The following NUDC variants were observed in gnomAD, a reference collection of about 807,000 sequenced individuals.
NUDC encodes the protein nuclear migration protein nudC.
Under a neutral mutation model 45.0 loss-of-function variants are expected in NUDC, and 14 were observed. The ratio of observed to expected loss-of-function variants is 0.31; its 90% CI spans 0.21 to 0.49. The LOEUF (loss-of-function observed/expected upper bound fraction) is 0.49. Among genes scored for constraint, NUDC ranks in the 20% least tolerant of loss-of-function variants. NUDC has a pLI of 0.99. For synonymous variants in NUDC, 153 were observed against 156.7 expected (o/e 0.98, Z 0.17); for missense variants, 323 against 426.2 (o/e 0.76, Z 2.13).
chr1:26,934,021 C>T (rs879333906), intron 2 of NUDC, among the ~76,000 whole-genome samples: 22 of 152,054 alleles, frequency 1.4e-4, no homozygotes, highest in African/African-American at 4.6e-4. Context: ...GGTGTGGTGG[C>T]GTGTGCCTGT....
chr1:26,929,307 G>A (rs890158791), intron 2 of NUDC, among the ~76,000 whole-genome samples: 2 of 151,818 alleles, frequency 1.3e-5, no homozygotes, highest in Non-Finnish European at 1.5e-5. Context: ...ACGTGGTGAC[G>A]CACACCTGTA....
At chr1:26,934,440 CAG>C (rs1418328572) in intron 2 of NUDC, among the ~76,000 whole-genome samples, 3 of 152,158 alleles carry the variant, frequency 2.0e-5, no homozygotes, top group Non-Finnish European at 2.9e-5. Context: ...GGTGGGGAAA[CAG>C]AGCCAAACGG....
chr1:26,920,798 C>T (rs1249670286), upstream of NUDC, among the ~76,000 whole-genome samples: 3 of 150,510 alleles, frequency 2.0e-5, no homozygotes, highest in East Asian at 3.9e-4. Flanking sequence ...AACAGCAGGG[C>T]GTGGTGATGT....
intron 1 of NUDC, among the ~76,000 whole-genome samples, chr1:26,900,691 T>G (rs751153265): frequency 6.6e-6 from 1 of 152,044 alleles, no homozygotes; most frequent in Non-Finnish European, 1.5e-5. Context: ...GAGGACCAAA[T>G]AAGAAGCCTG....
intron 3 of NUDC, chr1:26,912,043 C>T (rs1237360231): frequency 1.2e-6 from 2 of 1,614,030 alleles, no homozygotes; most frequent in Non-Finnish European, 1.7e-6. Flanking sequence ...GAGCCTCCTG[C>T]TGCAGGTGCC....
intron 3 of NUDC, chr1:26,913,963 C>T (rs751247100): frequency 1.0e-5 from 15 of 1,442,742 alleles, no homozygotes; most frequent in African/African-American, 2.8e-5. Flanking sequence ...GCTCTCACTT[C>T]CAGCTCTCTG....
chr1:26,933,093 G>T (rs993801818), intron 2 of NUDC, among the ~76,000 whole-genome samples: 1 of 151,822 alleles, frequency 6.6e-6, no homozygotes, highest in African/African-American at 2.4e-5. Context: ...ACGCCACCAC[G>T]CCCGGCTAAT....
At chr1:26,923,894 C>G (rs537635922) in intron 1 of NUDC, among the ~76,000 whole-genome samples, 195 bp from the exon 2 acceptor site, 2 of 152,264 alleles carry the variant, frequency 1.3e-5, no homozygotes, top group East Asian at 1.9e-4. Flanking sequence ...CACACACACA[C>G]AGGATATGAG....
At chr1:26,939,330 A>G (rs1472183859) in intron 2 of NUDC, among the ~76,000 whole-genome samples, 1 of 151,600 alleles carries the variant, frequency 6.6e-6, no homozygotes, top group African/African-American at 2.4e-5. Context: ...GACTGTTTTT[A>G]GAGATAATAA....
In NUDC at chr1:26,925,497, C is replaced by T. The variant is rs1388116209; in HGVS notation, c.159+1331C>T. 6.6e-5 allele frequency among the ~76,000 whole-genome samples: 9 copies of T among 135,846 alleles called. 1 individual carries two copies. The highest frequency in any genetic ancestry group is 4.6e-4 in the Admixed American group (6 of 12,958). 89.1% of individuals were successfully genotyped at this position (135,846 alleles called of 152,430 possible). On this transcript the variant is annotated intron_variant, in intron 2 of 8. Coordinates refer to ENST00000321265, the MANE Select transcript of NUDC (RefSeq NM_006600.4). ...CGGAGCTTGCAGTGAGCCGAGATCG[C>T]GCCATTGCACTCCAGCCTGGGCAAC...
chr1:26,915,082 T>C (rs2082055822), intron 3 of NUDC, among the ~76,000 whole-genome samples: 1 of 149,632 alleles, frequency 6.7e-6, no homozygotes, highest in African/African-American at 2.4e-5. Flanking sequence ...TATATGTATA[T>C]ATATGGTTGC....
intron 7 of NUDC, 45 bp downstream of exon 7, chr1:26,945,518 G>T: frequency 6.2e-7 from 1 of 1,610,986 alleles, no homozygotes; most frequent in Non-Finnish European, 8.5e-7. Flanking sequence ...AAGGTGAGGG[G>T]CCTCGTTGTT....
chr1:26,918,643 C>T (rs1270732106), upstream of NUDC, among the ~76,000 whole-genome samples: 6 of 149,298 alleles, frequency 4.0e-5, no homozygotes, highest in South Asian at 2.1e-4. Context: ...GGCACAATCT[C>T]GGCTCGCTAC....
chr1:26,940,569 C>CT (rs1219719506), intron 2 of NUDC, among the ~76,000 whole-genome samples: 1 of 152,058 alleles, frequency 6.6e-6, no homozygotes, highest in Non-Finnish European at 1.5e-5. Context: ...GGACTGTGGT[C>CT]TTGGAGACAG....
At chr1:26,946,061 G>T in intron 8 of NUDC, 69 bp from the exon 9 acceptor site, 1 of 1,460,866 alleles carries the variant, frequency 6.8e-7, no homozygotes, top group South Asian at 1.1e-5. Context: ...CTTGACACGG[G>T]GGTGCTGGGA....
At chr1:26,941,064 G>A (rs899253467) in intron 2 of NUDC, among the ~76,000 whole-genome samples, 2 of 149,848 alleles carry the variant, frequency 1.3e-5, no homozygotes, top group Non-Finnish European at 3.0e-5. Flanking sequence ...TGGGATTACA[G>A]GCCCCCGCCA....
At chr1:26,941,712 C>T (rs1257995412) in intron 3 of NUDC, 41 bp from the exon 4 acceptor site, 22 of 1,613,548 alleles carry the variant, frequency 1.4e-5, no homozygotes, top group Non-Finnish European at 1.8e-5. Context: ...TGGCACTGAG[C>T]AGTGGGGTCC....
upstream of NUDC, among the ~76,000 whole-genome samples, chr1:26,921,026 A>T (rs2082087827): frequency 6.6e-6 from 1 of 152,212 alleles, no homozygotes; most frequent in Non-Finnish European, 1.5e-5. Context: ...AAAAAAAGGG[A>T]TAATTAACAG....
chr1:26,903,051 CAA>C (rs35863679), intron 2 of NUDC, among the ~76,000 whole-genome samples: 14 of 140,186 alleles, frequency 1.0e-4, no homozygotes, highest in Non-Finnish European at 1.7e-4. Flanking sequence ...GACTCTGTCT[CAA>C]AAAAAAAAAA....
Sources: gnomAD v4.1 joint callset for allele counts (sites outside exome capture counted in the v4.1 genomes callset) on GRCh38, gnomAD v4.1.1 for gene constraint, MANE v1.5 for transcripts, NCBI Gene and HGNC (gene_info 2026-07-23, HGNC 2026-07-21) for gene names.